The following SYT1 variants were observed in gnomAD, a reference collection of about 807,000 sequenced individuals.
SYT1 encodes synaptotagmin 1.
In SYT1, 8 loss-of-function variants were observed where a neutral mutation model predicts 44.8. The observed-to-expected ratio is 0.18, with a 90% CI of 0.10 to 0.32. SYT1 has a LOEUF of 0.32. Among genes scored for constraint, SYT1 ranks in the 10% least tolerant of loss-of-function variants. The probability of loss-of-function intolerance (pLI) is 1.00; values close to 1 mark genes in which losing one functional copy is unlikely to be tolerated. For synonymous variants in SYT1, 154 were observed against 188.8 expected, an observed-to-expected ratio of 0.82 and a Z score of 1.51; for missense variants, 286 against 509.3, an observed-to-expected ratio of 0.56 and a Z score of 4.22.
chr12:79,213,930 A>G (rs1303127695), intron 3 of SYT1, among the ~76,000 whole-genome samples: 1 of 152,228 alleles, frequency 6.6e-6, no homozygotes, highest in Non-Finnish European at 1.5e-5. Flanking sequence ...TCAAAAAAAT[A>G]AAAAACAAAA....
At chr12:79,263,200 C>A (rs1877929690) in intron 4 of SYT1, among the ~76,000 whole-genome samples, 1 of 151,706 alleles carries the variant, frequency 6.6e-6, no homozygotes, top group African/African-American at 2.4e-5. Flanking sequence ...GAGTGCTAAG[C>A]TTTTTCAATA....
Position 79,446,011 on chromosome 12 carries a change from A to ATATATATATATG in SYT1, c.1062+1816_1062+1817insGTATATATATAT, listed in dbSNP as rs1565961483. ...AAGACATATATATATATATATATAT[A>ATATATATATATG]TATATATATATATATATATATATTA... is the stretch of plus-strand genomic sequence containing the variant. On this transcript the variant is annotated intron_variant, in intron 10 of 10. Transcript: ENST00000261205. Among the ~76,000 whole-genome samples, 58 of 124,858 alleles carry ATATATATATATG rather than the reference A, an allele frequency of 4.6e-4. 1 individual carries two copies. The highest frequency in any genetic ancestry group is 1.7e-3 in the African/African-American group (57 of 33,090). The allele number at this position is 124,858 out of a possible 152,430, so 81.9% of individuals were successfully genotyped here. A position where few individuals can be genotyped will look rare whatever the true frequency, so the allele number is the denominator to read the frequency against.
intron 9 of SYT1, among the ~76,000 whole-genome samples, chr12:79,433,083 G>A (rs1323519389): frequency 1.3e-5 from 2 of 152,114 alleles, no homozygotes; most frequent in Non-Finnish European, 2.9e-5. Context: ...AGCATTTCCA[G>A]GTCTCCCTCA....
intron 4 of SYT1, among the ~76,000 whole-genome samples, chr12:79,219,896 GT>G (rs1431968312): frequency 2.0e-5 from 3 of 151,980 alleles, no homozygotes; most frequent in African/African-American, 7.2e-5. Context: ...AATGTAATTG[GT>G]ATTTTGTAGT....
At position 79,292,102 on chromosome 12, in the gene SYT1, C is replaced by T. The variant is rs1879617307; in HGVS notation, c.446C>T (p.Ser149Leu). Residue 149 changes from serine to leucine, a missense_variant, in exon 6 of 11, where the codon TCA becomes TTA. Ser to Leu is a moderately radical substitution (Grantham distance 145). This residue lies in a region of SYT1 where 81 missense variants were observed against 164.9 expected (regional missense o/e 0.49). Coordinates refer to ENST00000261205, the MANE Select transcript of SYT1 (RefSeq NM_005639.3). ...GAGAAACTGGGAAAACTTCAGTATT[C>T]ACTGGATTATGATTTCCAAAATAAC... The part of the protein sequence containing the change: ...EEEKLGKLQY[S>L]LDYDFQNNQL... 1.2e-6 allele frequency: 2 copies of T among 1,613,838 alleles called. No individual in the cohort carries two copies. Among genetic ancestry groups the T allele is most frequent in the Non-Finnish European group, 1.7e-6 (2 of 1,179,944 alleles).
At chr12:79,246,940 T>C (rs986456016) in intron 4 of SYT1, among the ~76,000 whole-genome samples, 4 of 152,186 alleles carry the variant, frequency 2.6e-5, no homozygotes, top group African/African-American at 7.2e-5. Flanking sequence ...GGGTTCAGTA[T>C]AAGGTTGACA....
chr12:79,417,443 T>C (rs1378970374), intron 9 of SYT1, among the ~76,000 whole-genome samples: 3 of 152,148 alleles, frequency 2.0e-5, no homozygotes, highest in African/African-American at 7.2e-5. Context: ...CCCTCACCAC[T>C]TCTCTACTGA....
chr12:79,226,304 A>T (rs1012022641), intron 4 of SYT1, among the ~76,000 whole-genome samples: 1 of 152,172 alleles, frequency 6.6e-6, no homozygotes, highest in Non-Finnish European at 1.5e-5. Flanking sequence ...AGAGCCAGCT[A>T]TTACTTTATT....
At chr12:79,399,571 G>T (rs1307859520) in intron 9 of SYT1, among the ~76,000 whole-genome samples, 1 of 152,168 alleles carries the variant, frequency 6.6e-6, no homozygotes, top group Non-Finnish European at 1.5e-5. Context: ...GGAAAAAGCA[G>T]ACTAAGTGTT....
At chr12:79,439,307 T>C (rs1374392188) in intron 9 of SYT1, among the ~76,000 whole-genome samples, 2 of 152,190 alleles carry the variant, frequency 1.3e-5, no homozygotes, top group African/African-American at 2.4e-5. Flanking sequence ...GAGCAAACTG[T>C]ACAGGATGTT....
At chr12:79,203,086 G>GGAA (rs1555206738) in intron 3 of SYT1, among the ~76,000 whole-genome samples, 2 of 149,414 alleles carry the variant, frequency 1.3e-5, no homozygotes, top group African/African-American at 5.0e-5. Flanking sequence ...TAAGCCTATG[G>GGAA]AAAAAAAAAT....
chr12:78,912,883 A>G (rs902479469), intron 1 of SYT1, among the ~76,000 whole-genome samples: 2 of 151,938 alleles, frequency 1.3e-5, no homozygotes, highest in African/African-American at 4.8e-5. Context: ...CTCTACATTG[A>G]TAAATACAAG....
At chr12:79,279,630 A>T (rs993127030) in intron 4 of SYT1, among the ~76,000 whole-genome samples, 1 of 152,164 alleles carries the variant, frequency 6.6e-6, no homozygotes, top group Non-Finnish European at 1.5e-5. Flanking sequence ...CTTCCATTCA[A>T]CATAGTACTG....
intron 6 of SYT1, 146 bp from the exon 7 acceptor site, chr12:79,295,923 G>C: frequency 1.1e-6 from 1 of 941,462 alleles, no homozygotes; most frequent in Non-Finnish European, 1.5e-6. Context: ...TTTGCCTTCT[G>C]TGTTCAGATT....
intron 2 of SYT1, among the ~76,000 whole-genome samples, chr12:79,039,890 G>C: frequency 7.1e-6 from 1 of 141,734 alleles, no homozygotes; most frequent in Non-Finnish European, 1.5e-5. Flanking sequence ...TTTTGTTCTT[G>C]TGATAGTTTA....
At chr12:79,387,283 A>G (rs1192723434) in intron 9 of SYT1, among the ~76,000 whole-genome samples, 1 of 152,218 alleles carries the variant, frequency 6.6e-6, no homozygotes, top group Non-Finnish European at 1.5e-5. Context: ...GCAATGGCCC[A>G]GAAAAGAGAC....
At chr12:79,183,526 G>C (rs1032530749) in intron 3 of SYT1, among the ~76,000 whole-genome samples, 1 of 151,974 alleles carries the variant, frequency 6.6e-6, no homozygotes, top group Non-Finnish European at 1.5e-5. Context: ...AAAGAATTAT[G>C]TAGTCCAAAA....
At chr12:79,387,389 A>G (rs1884477876) in intron 9 of SYT1, among the ~76,000 whole-genome samples, 2 of 152,200 alleles carry the variant, frequency 1.3e-5, no homozygotes, top group Non-Finnish European at 2.9e-5. Context: ...TTCTAGTCTC[A>G]AGTCTACCAT....
chr12:79,415,175 T>C (rs1226102092), intron 9 of SYT1, among the ~76,000 whole-genome samples: 3 of 152,172 alleles, frequency 2.0e-5, no homozygotes, highest in African/African-American at 4.8e-5. Context: ...ACCAGAAGTA[T>C]AAAGTTTCTC....
Sources: gnomAD v4.1 joint callset for allele counts (sites outside exome capture counted in the v4.1 genomes callset) on GRCh38, gnomAD v4.1.1 for gene constraint, gnomAD v4.1.1 regional missense constraint, MANE v1.5 for transcripts, NCBI Gene and HGNC (gene_info 2026-07-23, HGNC 2026-07-21) for gene names.